The following CLHC1 variants were observed in gnomAD, a reference collection of about 807,000 sequenced individuals.
CLHC1 encodes clathrin heavy chain linker domain-containing protein 1.
CLHC1 carries 72 observed loss-of-function variants against 69.5 expected under a neutral mutation model. That is an observed-to-expected ratio of 1.04 (90% CI 0.86 to 1.26). The LOEUF (loss-of-function observed/expected upper bound fraction) is 1.26. Among genes scored for constraint, CLHC1 ranks in the 50% most tolerant of loss-of-function variants. The pLI is 0.00. For missense variants in CLHC1, 790 were observed against 679.3 expected (o/e 1.16, Z -1.81); for synonymous variants, 223 against 224.3 (o/e 0.99, Z 0.05).
At chr2:55,190,966 T>C (rs1041588919) in intron 9 of CLHC1, among the ~76,000 whole-genome samples, 1 of 151,958 alleles carries the variant, frequency 6.6e-6, no homozygotes. Context: ...GAGAAAATCT[T>C]AAAAGTAGTC....
At chr2:55,197,280 G>A (rs1324587151) in intron 9 of CLHC1, among the ~76,000 whole-genome samples, 1 of 152,056 alleles carries the variant, frequency 6.6e-6, no homozygotes, top group Non-Finnish European at 1.5e-5. Context: ...TCACTACCAT[G>A]AAGGAAAAAA....
chr2:55,204,628 C>CCT, intron 9 of CLHC1, among the ~76,000 whole-genome samples: 1 of 152,118 alleles, frequency 6.6e-6, no homozygotes, highest in African/African-American at 2.4e-5. Flanking sequence ...ATATGATCAA[C>CCT]AATCCTATGA....
At chr2:55,217,727 G>A (rs1010436613) in intron 4 of CLHC1, 84 bp downstream of exon 4, 6 of 803,632 alleles carry the variant, frequency 7.5e-6, no homozygotes, top group African/African-American at 7.2e-5. Flanking sequence ...ATAAGACTAA[G>A]AACCACCAGC....
intron 12 of CLHC1, among the ~76,000 whole-genome samples, chr2:55,177,036 A>G (rs370298315): frequency 6.6e-6 from 1 of 151,886 alleles, no homozygotes; most frequent in East Asian, 1.9e-4. Flanking sequence ...ACATGTGGCT[A>G]ATTTTGGTAT....
chr2:55,197,180 T>C (rs978025883), intron 9 of CLHC1, among the ~76,000 whole-genome samples: 6 of 152,138 alleles, frequency 3.9e-5, no homozygotes, highest in South Asian at 2.1e-4. Flanking sequence ...TCAGCCATAA[T>C]AGAAAACAGT....
chr2:55,213,319 A>G (rs1673187448), intron 4 of CLHC1, among the ~76,000 whole-genome samples: 1 of 152,206 alleles, frequency 6.6e-6, no homozygotes, highest in Non-Finnish European at 1.5e-5. Flanking sequence ...TTCTGACTTC[A>G]TCACTTCAGT....
chr2:55,222,335 C>A lies in CLHC1; in HGVS notation c.77G>T (p.Ser26Ile), dbSNP rs1439308637. 1 of 1,613,814 alleles carries A rather than the reference C, an allele frequency of 6.2e-7. No individual in the cohort carries two copies. The highest frequency in any genetic ancestry group is 1.1e-5 in the South Asian group (1 of 91,076). ...TTCTGTAATTATGTATCTTTGCACACTTTCCAAAAATTCCTTGTCACTTCT... is the reference window on the plus strand; with the variant it reads ...TTCTGTAATTATGTATCTTTGCACAATTTCCAAAAATTCCTTGTCACTTCT... ...ICRSDKEFLE[S>I]VQRYIITETE... is the part of the protein sequence containing the mutation. The change falls in exon 3 of 13, where the codon AGT becomes ATT. Residue 26 changes from serine (S) to isoleucine (I), a missense_variant. Transcript: ENST00000401408.
At chr2:55,186,783 TTA>T (rs1287683472) in intron 9 of CLHC1, among the ~76,000 whole-genome samples, 4 of 151,758 alleles carry the variant, frequency 2.6e-5, no homozygotes, top group Non-Finnish European at 4.4e-5. Flanking sequence ...TCAAAAAAAA[TTA>T]TATGTTTAAA....
chr2:55,176,000 A>G lies in CLHC1; in HGVS notation c.1565-14T>C. The G allele has an allele frequency of 6.3e-7, 1 of 1,589,172 alleles. No homozygotes were observed. Among genetic ancestry groups the G allele is most frequent in the East Asian group, 2.2e-5 (1 of 44,700 alleles). On this transcript the variant is annotated splice_polypyrimidine_tract_variant and intron_variant, in intron 12 of 12. Transcript: ENST00000401408. ...TTTCTACTGCATCTGTGGGGAAAAA[A>G]TACAATATTATAGTATGGCACTTAT...
At position 55,174,305 on chromosome 2, in the gene CLHC1, G is replaced by C. The variant is rs1223196539; in HGVS notation, c.*1485C>G. Among the ~76,000 whole-genome samples, 10 of 152,146 alleles carry C rather than the reference G, an allele frequency of 6.6e-5. No individual in the cohort carries two copies. Among genetic ancestry groups the C allele is most frequent in the African/African-American group, 2.4e-4 (10 of 41,412 alleles). On this transcript the variant is annotated 3_prime_UTR_variant, in exon 13 of 13. Coordinates refer to ENST00000401408, the MANE Select transcript of CLHC1 (RefSeq NM_152385.4). Reference sequence around the variant, plus strand: ...TTAAAAACTCAGCTTGAATGCTTCTGAATTTATAAGATAAGCCAGGCAACC... The same window carrying C: ...TTAAAAACTCAGCTTGAATGCTTCTCAATTTATAAGATAAGCCAGGCAACC...
intron 9 of CLHC1, among the ~76,000 whole-genome samples, chr2:55,206,020 A>G (rs1672406773): frequency 6.6e-6 from 1 of 152,190 alleles, no homozygotes; most frequent in Non-Finnish European, 1.5e-5. Context: ...ATTAACATTT[A>G]TTAAATCTTG....
At chr2:55,204,737 G>T (rs958941859) in intron 9 of CLHC1, among the ~76,000 whole-genome samples, 1 of 152,116 alleles carries the variant, frequency 6.6e-6, no homozygotes, top group African/African-American at 2.4e-5. Flanking sequence ...AGGCAATGGA[G>T]TACTATTCAG....
Position 55,175,678 on chromosome 2 carries a change from G to C in CLHC1, c.*112C>G. The C allele has an allele frequency of 1.5e-6, 1 of 658,332 alleles. No individual in the cohort carries two copies. The highest frequency in any genetic ancestry group is 1.8e-5 in the African/African-American group (1 of 55,178). The allele number at this position is 658,332 out of a possible 1,614,324, so 40.8% of individuals were successfully genotyped here. A position where few individuals can be genotyped will look rare whatever the true frequency, so the allele number is the denominator to read the frequency against. On this transcript the variant is annotated 3_prime_UTR_variant, in exon 13 of 13. Coordinates refer to ENST00000401408, the MANE Select transcript of CLHC1 (RefSeq NM_152385.4). ...CATAACAAAAGTGTGATTTATTTCT[G>C]AGATCTTCTTACTCTAGATTTATTT...
chr2:55,184,106 A>AT (rs58183668), intron 9 of CLHC1, among the ~76,000 whole-genome samples: 46 of 144,986 alleles, frequency 3.2e-4, no homozygotes, highest in African/African-American at 1.1e-3. Context: ...TTCTTTCTTT[A>AT]TTTTTTTTTT....
chr2:55,186,052 G>A (rs1382124262), intron 9 of CLHC1, among the ~76,000 whole-genome samples: 1 of 152,146 alleles, frequency 6.6e-6, no homozygotes, highest in Non-Finnish European at 1.5e-5. Flanking sequence ...CTGAAAACAT[G>A]ACAGTGTGGC....
intron 5 of CLHC1, among the ~76,000 whole-genome samples, chr2:55,210,671 C>T (rs1230200600): frequency 6.6e-6 from 1 of 152,174 alleles, no homozygotes; most frequent in Non-Finnish European, 1.5e-5. Flanking sequence ...CAGGATTTGT[C>T]AACAGATTTC....
Position 55,175,768 on chromosome 2 carries a change from C to A in CLHC1, c.*22G>T, listed in dbSNP as rs956508400. The A allele has an allele frequency of 6.3e-7, 1 of 1,590,906 alleles. No individual in the cohort carries two copies. The highest frequency in any genetic ancestry group is 1.7e-4 in the Middle Eastern group (1 of 5,986). ...ATACATAAGGTGTTGTACAAGCTCC[C>A]TCAGCTGGTTAAGATATAGAACTAC... On this transcript the variant is annotated 3_prime_UTR_variant, in exon 13 of 13. Coordinates refer to ENST00000401408, the MANE Select transcript of CLHC1 (RefSeq NM_152385.4).
At chr2:55,231,111 G>A (rs868734819) in intron 1 of CLHC1, among the ~76,000 whole-genome samples, 3 of 152,028 alleles carry the variant, frequency 2.0e-5, no homozygotes, top group East Asian at 1.9e-4. Context: ...TTAGCCGGGT[G>A]TGGTGGTGGG....
chr2:55,197,312 C>T (rs1671519894), intron 9 of CLHC1, among the ~76,000 whole-genome samples: 1 of 152,220 alleles, frequency 6.6e-6, no homozygotes, highest in Admixed American at 6.5e-5. Context: ...ATGGCTTCAC[C>T]ACCTGTTGAT....
Sources: gnomAD v4.1 joint callset for allele counts (sites outside exome capture counted in the v4.1 genomes callset) on GRCh38, gnomAD v4.1.1 for gene constraint, MANE v1.5 for transcripts, NCBI Gene and HGNC (gene_info 2026-07-23, HGNC 2026-07-21) for gene names.